TBXAS1: variants seen among roughly 807,000 people sequenced by gnomAD.
The protein encoded by TBXAS1 is thromboxane A synthase 1, also known as thromboxane-A synthase.
Under a neutral mutation model 60.7 loss-of-function variants are expected in TBXAS1, and 48 were observed. The ratio of observed to expected loss-of-function variants is 0.79; its 90% CI spans 0.63 to 1.01. TBXAS1 has a LOEUF of 1.01. TBXAS1 is among the 50% of genes least tolerant of loss of function. TBXAS1 has a pLI of 0.00. For synonymous variants in TBXAS1, 287 were observed against 269.7 expected (o/e 1.06, Z -0.63); for missense variants, 685 against 686.3 (o/e 1.00, Z 0.02).
At chr7:139,798,565 T>A (rs909604175) in intron 4 of TBXAS1, among the ~76,000 whole-genome samples, 1 of 152,154 alleles carries the variant, frequency 6.6e-6, no homozygotes, top group Non-Finnish European at 1.5e-5. Context: ...AATAGAAACC[T>A]TCTATGCAGG....
At chr7:139,928,279 G>A (rs961145127) in intron 4 of TBXAS1, among the ~76,000 whole-genome samples, 40 of 152,218 alleles carry the variant, frequency 2.6e-4, no homozygotes, top group African/African-American at 9.6e-4. Flanking sequence ...AATGCAACAA[G>A]TTACATTGAT....
Position 139,969,956 on chromosome 7 carries a change from G to A in TBXAS1, c.1134+7723G>A, listed in dbSNP as rs192104617. On this transcript the variant is annotated intron_variant, in intron 9 of 12. Transcript: ENST00000448866. ...AAACAAAGAACAGCGTCACTGCAGCGTGAGAAAAGTGGCAACGGGCTGTGG... is the reference window on the plus strand; with the variant it reads ...AAACAAAGAACAGCGTCACTGCAGCATGAGAAAAGTGGCAACGGGCTGTGG... Among the ~76,000 whole-genome samples the A allele has an allele frequency of 1.4e-3, 206 of 152,316 alleles. 2 individuals carry two copies. The highest frequency in any genetic ancestry group is 4.8e-3 in the African/African-American group (198 of 41,572).
At chr7:139,862,402 A>C (rs1238251288) in intron 1 of TBXAS1, among the ~76,000 whole-genome samples, 2 of 152,200 alleles carry the variant, frequency 1.3e-5, no homozygotes, top group African/African-American at 4.8e-5. Context: ...TCAGTAAAGA[A>C]ATAATGGGAT....
intron 3 of TBXAS1, among the ~76,000 whole-genome samples, chr7:139,905,024 TTTCTTTCTTTCTTTC>T (rs1804910631): frequency 1.2e-5 from 1 of 80,636 alleles, no homozygotes; most frequent in African/African-American, 6.8e-5. Context: ...TCTTTCTTTC[TTTCTTTCTTTCTTTC>T]TTTCTTTCTT....
intron 7 of TBXAS1, among the ~76,000 whole-genome samples, chr7:139,956,377 C>A (rs1809866648): frequency 6.6e-6 from 1 of 152,166 alleles, no homozygotes; most frequent in Non-Finnish European, 1.5e-5. Flanking sequence ...AACTCCCGAC[C>A]TCAGGTGATC....
chr7:139,830,014 T>C (rs180793891), intron 1 of TBXAS1, among the ~76,000 whole-genome samples: 1 of 152,194 alleles, frequency 6.6e-6, no homozygotes, highest in Non-Finnish European at 1.5e-5. Flanking sequence ...AGATGGATTC[T>C]GATGAACATA....
In TBXAS1 at chr7:139,818,571, C is replaced by T. The variant is rs549827197; in HGVS notation, c.-79-10741C>T. Reference sequence around the variant, plus strand: ...TAGGTGGAGACTGGTACCATACCACCTGCTGACATATTCCCTTGGAGGCAG... The same window carrying T: ...TAGGTGGAGACTGGTACCATACCACTTGCTGACATATTCCCTTGGAGGCAG... On this transcript the variant is annotated intron_variant, in intron 4 of 16. Transcript: ENST00000336425. 2.0e-5 allele frequency among the ~76,000 whole-genome samples: 3 copies of T among 152,304 alleles called. No individual in the cohort carries two copies. The South Asian group carries it at 6.2e-4, about 32-fold the overall frequency.
chr7:139,914,611 A>T (rs1805817499), intron 4 of TBXAS1, among the ~76,000 whole-genome samples: 1 of 152,092 alleles, frequency 6.6e-6, no homozygotes. Flanking sequence ...CACCTCTTCC[A>T]CACCCATCCA....
intron 5 of TBXAS1, among the ~76,000 whole-genome samples, chr7:139,936,710 CT>C (rs953536042): frequency 3.9e-4 from 59 of 152,336 alleles, no homozygotes; most frequent in African/African-American, 1.2e-3. Flanking sequence ...GCCTAAGAAT[CT>C]GCATTTATAA....
chr7:139,807,663 G>A (rs796290665), intron 4 of TBXAS1, among the ~76,000 whole-genome samples: 4 of 152,176 alleles, frequency 2.6e-5, no homozygotes, highest in Admixed American at 6.5e-5. Flanking sequence ...GATTACAGGC[G>A]TGAGCCACCG....
At chr7:139,786,184 T>C (rs1363387384) in intron 3 of TBXAS1, among the ~76,000 whole-genome samples, 1 of 151,672 alleles carries the variant, frequency 6.6e-6, no homozygotes, top group African/African-American at 2.4e-5. Flanking sequence ...AGGGAAATGA[T>C]TTCATTTCTC....
chr7:139,883,472 T>C (rs1034523998), intron 3 of TBXAS1, among the ~76,000 whole-genome samples: 1 of 152,370 alleles, frequency 6.6e-6, no homozygotes, highest in South Asian at 2.1e-4. Context: ...GGTTGCTGCA[T>C]ATTTTAATGA....
intron 4 of TBXAS1, chr7:139,913,167 G>A (rs867548413): frequency 2.1e-5 from 15 of 702,112 alleles, no homozygotes; most frequent in South Asian, 1.3e-4. Flanking sequence ...CAGGATGGCC[G>A]AAGGAATTGC....
chr7:140,018,016 C>T (rs1328753253), intron 12 of TBXAS1, among the ~76,000 whole-genome samples, 183 bp downstream of exon 12: 5 of 152,224 alleles, frequency 3.3e-5, no homozygotes, highest in African/African-American at 1.2e-4. Flanking sequence ...ATAATAATAA[C>T]ACCCTCTACC....
At chr7:139,811,391 G>T (rs1289632799) in intron 4 of TBXAS1, among the ~76,000 whole-genome samples, 1 of 152,224 alleles carries the variant, frequency 6.6e-6, no homozygotes, top group Non-Finnish European at 1.5e-5. Flanking sequence ...CAATTAGTCT[G>T]AAAGCCAAAT....
At chr7:139,988,865 C>A (rs764294930) in intron 9 of TBXAS1, among the ~76,000 whole-genome samples, 2 of 152,160 alleles carry the variant, frequency 1.3e-5, no homozygotes, top group Non-Finnish European at 2.9e-5. Context: ...TCCCGTGTGG[C>A]GGGAGCAGGA....
intron 4 of TBXAS1, among the ~76,000 whole-genome samples, chr7:139,804,318 C>T (rs1797790208): frequency 6.6e-6 from 1 of 152,190 alleles, no homozygotes; most frequent in Non-Finnish European, 1.5e-5. Flanking sequence ...CAATTTCTCC[C>T]ATTTGAAATG....
chr7:139,778,753 C>T lies in TBXAS1; in HGVS notation c.-318+282C>T, dbSNP rs1191692323. Among the ~76,000 whole-genome samples, 2 of 152,156 alleles carry T rather than the reference C, an allele frequency of 1.3e-5. No homozygotes were observed. Among genetic ancestry groups the T allele is most frequent in the African/African-American group, 2.4e-5 (1 of 41,434 alleles). On this transcript the variant is annotated intron_variant, in intron 1 of 16. Transcript: ENST00000336425. The surrounding 1 kb of genome is among the most constrained non-coding windows in gnomAD (Gnocchi z 4.8). ...CTCTCTGGGTCCTCGCTTTTCTCAG[C>T]GCTCTCTCCTATCAGGGCTTCCGCT...
chr7:139,967,495 A>C (rs1187304146), intron 9 of TBXAS1, among the ~76,000 whole-genome samples: 2 of 152,198 alleles, frequency 1.3e-5, no homozygotes, highest in Non-Finnish European at 2.9e-5. Flanking sequence ...AGTAGGTTCA[A>C]GTTCAACGGG....
Sources: gnomAD v4.1 joint callset for allele counts (sites outside exome capture counted in the v4.1 genomes callset) on GRCh38, gnomAD v4.1.1 for gene constraint, Gnocchi (gnomAD v3.1) non-coding constraint, MANE v1.5 for transcripts, NCBI Gene and HGNC (gene_info 2026-07-23, HGNC 2026-07-21) for gene names.